ASIC2: variants seen among roughly 807,000 people sequenced by gnomAD.
ASIC2 encodes the protein acid-sensing ion channel 2.
In ASIC2, 25 loss-of-function variants were observed where a neutral mutation model predicts 57.3. That is an observed-to-expected ratio of 0.44 (90% CI 0.32 to 0.61). The LOEUF (loss-of-function observed/expected upper bound fraction) is 0.61, where lower values mean the gene tolerates loss of function less well. Ranked by LOEUF, ASIC2 falls within the 20% of genes least tolerant of loss-of-function variation. The pLI, the probability that ASIC2 is intolerant of heterozygous loss-of-function variation, is 0.06. For missense variants in ASIC2, 641 were observed against 738.1 expected (o/e 0.87, Z 1.52); for synonymous variants, 319 against 307.5 (o/e 1.04, Z -0.39).
chr17:33,931,043 C>T (rs1915920556), intron 1 of ASIC2: 1 of 152,370 alleles, frequency 6.6e-6, no homozygotes, highest in South Asian at 2.1e-4. Context: ...CTCAGCCTCT[C>T]TAGCAGCTGG....
chr17:34,127,776 T>C (rs1328047321), intron 1 of ASIC2, among the ~76,000 whole-genome samples: 3 of 152,100 alleles, frequency 2.0e-5, no homozygotes, highest in African/African-American at 4.8e-5. Flanking sequence ...TACAAGAAAC[T>C]GTCCCATGCA....
At chr17:33,086,457 A>G (rs2092134121) in intron 3 of ASIC2, among the ~76,000 whole-genome samples, 1 of 152,236 alleles carries the variant, frequency 6.6e-6, no homozygotes, top group South Asian at 2.1e-4. Flanking sequence ...AGAAAGTCAC[A>G]GAATTTATAC....
chr17:33,400,843 A>C (rs1597714993), intron 1 of ASIC2, among the ~76,000 whole-genome samples: 1 of 151,938 alleles, frequency 6.6e-6, no homozygotes, highest in African/African-American at 2.4e-5. Flanking sequence ...CAGCCTCTCT[A>C]TTACAAACAG....
At chr17:34,086,119 A>C (rs1193403624) in intron 1 of ASIC2, among the ~76,000 whole-genome samples, 1 of 146,926 alleles carries the variant, frequency 6.8e-6, no homozygotes, top group African/African-American at 2.5e-5. Flanking sequence ...TAGTTCTTTT[A>C]ATTGTGATGT....
rs114988004 is a variant in ASIC2 at position 33,130,415 on chromosome 17, C to T, written c.709-18348G>A. ...GGTACAAGGGGTTCATTAAACTATT[C>T]GATCTAGCTTGTATATGTTTAAATA... On this transcript the variant is annotated intron_variant, in intron 1 of 9. Transcript: ENST00000225823. Among the ~76,000 whole-genome samples, 1,071 of 152,234 alleles carry T rather than the reference C, an allele frequency of 7.0e-3. 13 individuals carry two copies. The highest frequency in any genetic ancestry group is 0.024 in the African/African-American group (1,003 of 41,534).
rs1192504066 is a variant in ASIC2, at chr17:33,418,067, T to G, written c.556-306000A>C. ...GTGTGTGTGTGTGTGTGTGTGTGTG[T>G]GTGTGTGTGTGCAGCCATGCTCCAG... On this transcript the variant is annotated intron_variant, in intron 1 of 9. Coordinates refer to the ASIC2 transcript ENST00000359872. 2.1e-5 allele frequency among the ~76,000 whole-genome samples: 3 copies of G among 142,442 alleles called. No homozygotes were observed. In the Admixed American group the frequency reaches 2.1e-4, roughly 10 times the overall value. The allele number at this position is 142,442 out of a possible 152,430, so 93.4% of individuals were successfully genotyped here.
chr17:33,647,304 T>A (rs1457756947), intron 1 of ASIC2, among the ~76,000 whole-genome samples: 2 of 152,220 alleles, frequency 1.3e-5, no homozygotes, highest in Non-Finnish European at 2.9e-5. Flanking sequence ...ATAGATGCCC[T>A]GTGAACTGTC....
At chr17:33,384,730 T>C (rs1057441544) in intron 1 of ASIC2, among the ~76,000 whole-genome samples, 3 of 152,216 alleles carry the variant, frequency 2.0e-5, no homozygotes, top group African/African-American at 7.2e-5. Flanking sequence ...GTAAGGTTCC[T>C]CCTTTTCCTT....
upstream of ASIC2, among the ~76,000 whole-genome samples, chr17:33,296,025 G>T (rs142672723): frequency 3.2e-4 from 49 of 152,028 alleles, no homozygotes; most frequent in African/African-American, 1.1e-3. Flanking sequence ...GCATGCACAG[G>T]ATTTGAATCC....
upstream of ASIC2, among the ~76,000 whole-genome samples, chr17:33,293,688 A>G (rs796234400): frequency 3.3e-5 from 5 of 152,160 alleles, 1 homozygote; most frequent in African/African-American, 9.6e-5. Flanking sequence ...TAGGATGTGC[A>G]TTGTGTATGT....
intron 1 of ASIC2, among the ~76,000 whole-genome samples, chr17:34,099,164 GAAAGAAAGAAAGAA>G (rs1402246282): frequency 3.7e-3 from 19 of 5,128 alleles, no homozygotes; most frequent in East Asian, 0.02. Flanking sequence ...GAGAGAGAGA[GAAAGAAAGAAAGAA>G]AGAAAGAAAG....
intron 1 of ASIC2, among the ~76,000 whole-genome samples, chr17:33,860,191 C>T (rs192082837): frequency 6.6e-6 from 1 of 152,268 alleles, no homozygotes; most frequent in East Asian, 1.9e-4. Flanking sequence ...ATAAGGCAGG[C>T]ATAATACCAG....
intron 1 of ASIC2, among the ~76,000 whole-genome samples, chr17:33,800,051 C>A (rs1282393862): frequency 6.6e-6 from 1 of 152,146 alleles, no homozygotes; most frequent in Non-Finnish European, 1.5e-5. Flanking sequence ...ACCTTTGAGA[C>A]CTCCTGCACT....
intron 1 of ASIC2, among the ~76,000 whole-genome samples, chr17:33,424,634 G>T (rs1210967532): frequency 6.6e-6 from 1 of 152,206 alleles, no homozygotes; most frequent in Non-Finnish European, 1.5e-5. Context: ...AGGGCACAAT[G>T]AGTGCTGGCA....
intron 1 of ASIC2, among the ~76,000 whole-genome samples, chr17:33,481,759 T>C (rs926059797): frequency 6.6e-6 from 1 of 152,192 alleles, no homozygotes; most frequent in Non-Finnish European, 1.5e-5. Context: ...ACCTTTTCCT[T>C]GGGCTAGAGT....
chr17:33,777,803 A>T (rs1454511580), intron 1 of ASIC2, among the ~76,000 whole-genome samples: 2 of 152,220 alleles, frequency 1.3e-5, no homozygotes, highest in Non-Finnish European at 2.9e-5. Context: ...TGCGGTTATT[A>T]TCGTAACAAG....
chr17:33,781,859 CG>C (rs1349571275), intron 1 of ASIC2, among the ~76,000 whole-genome samples: 1 of 152,172 alleles, frequency 6.6e-6, no homozygotes. Context: ...ACACCCTGTT[CG>C]TCAGAAATTC....
chr17:33,307,351 G>C (rs1906227116), intron 1 of ASIC2, among the ~76,000 whole-genome samples: 1 of 149,828 alleles, frequency 6.7e-6, no homozygotes, highest in South Asian at 2.1e-4. Context: ...CTGTTGCCTA[G>C]GCTGGAGTGC....
At chr17:33,126,249 T>C (rs1248374936) in intron 1 of ASIC2, among the ~76,000 whole-genome samples, 2 of 152,204 alleles carry the variant, frequency 1.3e-5, no homozygotes, top group Non-Finnish European at 2.9e-5. Context: ...GATCCAAGTG[T>C]GAAGCCCAGT....
Sources: allele counts gnomAD v4.1 joint callset (sites outside exome capture counted in the v4.1 genomes callset), GRCh38; gene constraint gnomAD v4.1.1; transcripts MANE v1.5; gene names NCBI Gene and HGNC (gene_info 2026-07-23, HGNC 2026-07-21).